The following MMRN1 variants were observed in gnomAD, a reference collection of about 807,000 sequenced individuals.
The protein encoded by MMRN1 is multimerin-1.
In MMRN1, 94 loss-of-function variants were observed where a neutral mutation model predicts 100.7. The ratio of observed to expected loss-of-function variants is 0.93; its 90% confidence interval spans 0.79 to 1.11. MMRN1 has a LOEUF of 1.11. MMRN1 is among the 50% of genes least tolerant of loss of function. The pLI is 0.00. For synonymous variants in MMRN1, 575 were observed against 505.0 expected (o/e 1.14, Z -1.86); for missense variants, 1,606 against 1,439.1 (o/e 1.12, Z -1.88).
Position 89,935,574 on chromosome 4 carries a change from A to G in MMRN1, c.1894A>G (p.Met632Val), listed in dbSNP as rs1212626841. 27 of 1,613,450 alleles carry G rather than the reference A, an allele frequency of 1.7e-5. No homozygotes were observed. Among genetic ancestry groups the G allele is most frequent in the Non-Finnish European group, 1.9e-5 (22 of 1,179,770 alleles). The change falls in exon 6 of 8, where the codon ATG becomes GTG. Residue 632 changes from methionine to valine, a missense_variant. Met to Val is a conservative substitution (Grantham distance 21). Coordinates refer to ENST00000264790, the MANE Select transcript of MMRN1 (RefSeq NM_007351.3). ...AGTTCTCTTTCCAATGGACAATAAG[A>G]TGGACAAAATGAGTGAGCAACTAAA... ...AEVLFPMDNK[M>V]DKMSEQLNDL...
chr4:89,951,800 G>T, intron 7 of MMRN1, 49 bp downstream of exon 7: 1 of 1,573,062 alleles, frequency 6.4e-7, no homozygotes, highest in Non-Finnish European at 8.7e-7. Flanking sequence ...GTCATAAATA[G>T]AAACACGTTT....
intron 5 of MMRN1, among the ~76,000 whole-genome samples, chr4:89,929,198 GT>G (rs952051775): frequency 6.6e-6 from 1 of 151,606 alleles, no homozygotes; most frequent in Non-Finnish European, 1.5e-5. Context: ...CAGGATTACT[GT>G]TTTTTTTCCT....
In MMRN1 at chr4:89,895,290, G is replaced by A; in HGVS notation, c.319G>A (p.Glu107Lys). ...NQTLTSTEKA[E>K]GVVKLQNLTL... ...AACTCTCACATCCACAGAGAAAGCA[G>A]AAGGAGTGGTCAAGTTACAGAATCT... is the stretch of plus-strand genomic sequence containing the variant. Residue 107 changes from glutamate to lysine, a missense_variant, in exon 1 of 8, where the codon GAA becomes AAA. By Grantham distance (56) the Glu-to-Lys change is moderately conservative. Coordinates refer to ENST00000264790, the MANE Select transcript of MMRN1 (RefSeq NM_007351.3). 6.2e-7 allele frequency: 1 copy of A among 1,613,926 alleles called. No homozygotes were observed. The highest frequency in any genetic ancestry group is 1.1e-5 in the South Asian group (1 of 91,080).
chr4:89,919,674 TA>T (rs1460715223), intron 3 of MMRN1, among the ~76,000 whole-genome samples: 2 of 152,052 alleles, frequency 1.3e-5, no homozygotes, highest in Non-Finnish European at 2.9e-5. Context: ...AATTTAGGAC[TA>T]GGTTCCTAAG....
intron 6 of MMRN1, among the ~76,000 whole-genome samples, chr4:89,951,043 T>A (rs1261388675): frequency 2.0e-5 from 3 of 152,174 alleles, no homozygotes. Flanking sequence ...TTTTCTCTTA[T>A]GGTTTCTGAG....
At chr4:89,901,810 A>G (rs1326235673) in intron 1 of MMRN1, among the ~76,000 whole-genome samples, 1 of 152,076 alleles carries the variant, frequency 6.6e-6, no homozygotes, top group Non-Finnish European at 1.5e-5. Flanking sequence ...TTCATATGCT[A>G]GAATTTAATG....
chr4:89,944,788 C>T (rs76077432), intron 6 of MMRN1, among the ~76,000 whole-genome samples: 3 of 152,230 alleles, frequency 2.0e-5, no homozygotes, highest in Non-Finnish European at 2.9e-5. Context: ...GGATGATGAA[C>T]TACAATATTC....
chr4:89,944,048 C>CT (rs1010579151), intron 6 of MMRN1, among the ~76,000 whole-genome samples: 5 of 151,748 alleles, frequency 3.3e-5, no homozygotes, highest in South Asian at 2.1e-4. Context: ...ATATTTTATA[C>CT]TTTTTTTGAT....
At chr4:89,937,369 G>A (rs757596648) in intron 6 of MMRN1, among the ~76,000 whole-genome samples, 8 of 152,030 alleles carry the variant, frequency 5.3e-5, no homozygotes, top group Non-Finnish European at 8.8e-5. Flanking sequence ...GAAGCATGAA[G>A]CTAGCAATAG....
intron 1 of MMRN1, among the ~76,000 whole-genome samples, chr4:89,901,311 G>C (rs1321677705): frequency 6.6e-6 from 1 of 151,906 alleles, no homozygotes; most frequent in African/African-American, 2.4e-5. Context: ...GGTAAAATTT[G>C]AATATGCAGA....
In MMRN1 at chr4:89,953,429, A is replaced by G; in HGVS notation, c.*11A>G. On this transcript the variant is annotated 3_prime_UTR_variant, in exon 8 of 8. Transcript: ENST00000264790. ...TTATATCGTACATAAGTTAGTATGA[A>G]AAACAGACTATCACCTTTATTGAGA... The G allele has an allele frequency of 1.3e-6, 2 of 1,565,716 alleles. No homozygotes were observed. Among genetic ancestry groups the G allele is most frequent in the Non-Finnish European group, 1.7e-6 (2 of 1,159,050 alleles).
intron 1 of MMRN1, among the ~76,000 whole-genome samples, chr4:89,885,528 T>C (rs2110569978): frequency 6.6e-6 from 1 of 152,270 alleles, no homozygotes; most frequent in South Asian, 2.1e-4. Context: ...TACTAGAATT[T>C]ACTAGCGAAG....
intron 4 of MMRN1, among the ~76,000 whole-genome samples, chr4:89,925,724 G>A (rs1339283247): frequency 6.6e-6 from 1 of 151,900 alleles, no homozygotes; most frequent in East Asian, 2.0e-4. Context: ...CAGCTACTGG[G>A]AAGGCTGAGG....
chr4:89,920,953 A>T (rs1722068293), intron 3 of MMRN1, among the ~76,000 whole-genome samples: 1 of 152,132 alleles, frequency 6.6e-6, no homozygotes, highest in African/African-American at 2.4e-5. Context: ...ATTTCCATCT[A>T]CGAGGAAAAA....
At position 89,953,124 on chromosome 4, in the gene MMRN1, C is replaced by G; in HGVS notation, c.3393C>G (p.Thr1131=). Residue 1131 remains threonine (T), a synonymous_variant, in exon 8 of 8, where the codon ACC becomes ACG. Transcript: ENST00000264790. ...NLDVNYGASY[T]PRTGKFRIPY... ...ATGTCAATTATGGAGCTTCATATAC[C>G]CCAAGAACTGGAAAATTTAGAATTC... The G allele has an allele frequency of 1.2e-6, 2 of 1,613,642 alleles. No individual in the cohort carries two copies. The highest frequency in any genetic ancestry group is 1.1e-5 in the South Asian group (1 of 91,040).
At chr4:89,894,302 G>A (rs1193844278), upstream of MMRN1, among the ~76,000 whole-genome samples, 1 of 152,042 alleles carries the variant, frequency 6.6e-6, no homozygotes, top group African/African-American at 2.4e-5. Flanking sequence ...TAATCATTGA[G>A]ATTAAGTAAT....
chr4:89,925,869 A>G (rs1275862900), intron 4 of MMRN1, among the ~76,000 whole-genome samples: 1 of 152,146 alleles, frequency 6.6e-6, no homozygotes, highest in African/African-American at 2.4e-5. Context: ...TTTAGATCCC[A>G]CAAATACATG....
Position 89,923,192 on chromosome 4 carries a change from A to C in MMRN1, c.875A>C (p.His292Pro), listed in dbSNP as rs1220460121. The part of the protein sequence containing the change: ...LRAQEQQSLI[H>P]TNQAESHTAV... Reference sequence around the variant, plus strand: ...GCCCAGGAACAGCAAAGTTTGATACACACCAACCAGGCTGAAAGTCATACA... The same window carrying C: ...GCCCAGGAACAGCAAAGTTTGATACCCACCAACCAGGCTGAAAGTCATACA... The change falls in exon 4 of 8, where the codon CAC becomes CCC. Residue 292 changes from histidine to proline, a missense_variant. His to Pro is a moderately conservative substitution (Grantham distance 77). Coordinates refer to ENST00000264790, the MANE Select transcript of MMRN1 (RefSeq NM_007351.3). 6.2e-7 allele frequency: 1 copy of C among 1,613,952 alleles called. No homozygotes were observed. The highest frequency in any genetic ancestry group is 2.2e-5 in the East Asian group (1 of 44,868).
At chr4:89,911,146 C>G (rs1721736105) in intron 2 of MMRN1, among the ~76,000 whole-genome samples, 1 of 151,340 alleles carries the variant, frequency 6.6e-6, no homozygotes, top group African/African-American at 2.4e-5. Context: ...ATTTTACAGA[C>G]CCATTTGATA....
Sources: allele counts gnomAD v4.1 joint callset (sites outside exome capture counted in the v4.1 genomes callset), GRCh38; gene constraint gnomAD v4.1.1; transcripts MANE v1.5; gene names NCBI Gene and HGNC (gene_info 2026-07-23, HGNC 2026-07-21).